The following MBP variants were observed in gnomAD, a reference collection of about 807,000 sequenced individuals.
MBP encodes the protein myelin basic protein, also known as Golli-MBP.
MBP carries 16 observed loss-of-function variants against 35.8 expected under a neutral mutation model. That is an observed-to-expected ratio of 0.45 (90% CI 0.30 to 0.68). The LOEUF is 0.68. Among genes scored for constraint, MBP ranks in the 30% least tolerant of loss-of-function variants. The pLI is 0.08. For synonymous variants in MBP, 143 were observed against 159.6 expected, an observed-to-expected ratio of 0.90 and a Z score of 0.78; for missense variants, 380 against 404.7, an observed-to-expected ratio of 0.94 and a Z score of 0.52.
intron 3 of MBP, among the ~76,000 whole-genome samples, chr18:77,022,603 T>C (rs1718193365): frequency 6.6e-6 from 1 of 152,252 alleles, no homozygotes; most frequent in Admixed American, 6.5e-5. Flanking sequence ...TCTGATTTTA[T>C]AGCTGTGCTT....
intron 1 of MBP, among the ~76,000 whole-genome samples, chr18:77,119,621 A>T (rs1311366558): frequency 4.0e-5 from 6 of 150,096 alleles, no homozygotes; most frequent in African/African-American, 1.5e-4. Flanking sequence ...CACACAGCTC[A>T]ACACCCTCCA....
At chr18:77,127,992 T>C (rs1022160342) in intron 1 of MBP, 10 of 152,198 alleles carry the variant, frequency 6.6e-5, no homozygotes, top group African/African-American at 2.4e-4. Context: ...CTCATAAAAT[T>C]AGACATGTGC....
intron 3 of MBP, among the ~76,000 whole-genome samples, chr18:77,035,332 G>C (rs1972716681): frequency 6.6e-6 from 1 of 152,226 alleles, no homozygotes; most frequent in Non-Finnish European, 1.5e-5. Flanking sequence ...CTTTGGAATA[G>C]TTTTTCTCTA....
At chr18:77,097,905 T>C (rs902612955) in intron 2 of MBP, among the ~76,000 whole-genome samples, 25 of 136,084 alleles carry the variant, frequency 1.8e-4, no homozygotes, top group African/African-American at 5.9e-4. Context: ...CCAAATCAAA[T>C]CTTTTTTTTA....
intron 4 of MBP, among the ~76,000 whole-genome samples, chr18:76,997,283 A>G (rs1970323765): frequency 6.6e-6 from 1 of 152,242 alleles, no homozygotes; most frequent in African/African-American, 2.4e-5. Context: ...AAAGCCTTCC[A>G]TGGCAGCCTT....
chr18:77,074,998 CTG>C (rs751468105), intron 2 of MBP, among the ~76,000 whole-genome samples: 4 of 152,096 alleles, frequency 2.6e-5, no homozygotes, highest in Non-Finnish European at 5.9e-5. Context: ...TTTAAAAAAA[CTG>C]TGGGTGTTTA....
chr18:77,050,324 C>T (rs771509519), intron 3 of MBP, among the ~76,000 whole-genome samples: 10 of 152,192 alleles, frequency 6.6e-5, no homozygotes, highest in Non-Finnish European at 1.0e-4. Flanking sequence ...GATACCAAAA[C>T]TAAGTATTTT....
At chr18:77,030,628 A>G (rs1316904664) in intron 3 of MBP, among the ~76,000 whole-genome samples, 1 of 152,242 alleles carries the variant, frequency 6.6e-6, no homozygotes, top group Non-Finnish European at 1.5e-5. Flanking sequence ...AATTGCTCAA[A>G]TTAATCCTTA....
rs200480480 is a variant in MBP, at chr18:77,046,916, ATC to A, written c.139+19380_139+19381del. Among the ~76,000 whole-genome samples, 1,210 of 152,356 alleles carry A rather than the reference ATC, an allele frequency of 7.9e-3. 24 individuals are homozygous for A. Among genetic ancestry groups the A allele is most frequent in the African/African-American group, 0.028 (1,176 of 41,578 alleles). ...GTGACTGTCACCATCGGGAGGCAGA[ATC>A]TCTGATGCCAGGAAACATCAGGGCC... On this transcript the variant is annotated intron_variant, in intron 3 of 8. Coordinates refer to ENST00000355994, the MANE Select transcript of MBP (RefSeq NM_001025101.2).
intron 4 of MBP, chr18:77,015,835 T>C: frequency 1.0e-6 from 1 of 985,452 alleles, no homozygotes; most frequent in Non-Finnish European, 1.2e-6. Flanking sequence ...AGGCGCTCTG[T>C]TCCACACTTT....
chr18:77,079,615 C>T (rs560524811), intron 2 of MBP, among the ~76,000 whole-genome samples: 10 of 152,240 alleles, frequency 6.6e-5, no homozygotes, highest in South Asian at 2.1e-4. Context: ...TATTTGCTTG[C>T]TGATATTTCA....
At chr18:76,995,500 T>C (rs1473453652) in intron 4 of MBP, among the ~76,000 whole-genome samples, 2 of 152,136 alleles carry the variant, frequency 1.3e-5, no homozygotes. Flanking sequence ...CCTAGATTAA[T>C]GGACAGAATG....
intron 3 of MBP, among the ~76,000 whole-genome samples, chr18:77,021,913 C>G (rs1217816660): frequency 6.6e-6 from 1 of 152,140 alleles, no homozygotes; most frequent in African/African-American, 2.4e-5. Context: ...CACGGTGACA[C>G]AGGCCCCTTC....
chr18:76,990,797 A>T (rs1382461792), intron 4 of MBP: 4 of 221,090 alleles, frequency 1.8e-5, no homozygotes, highest in Non-Finnish European at 3.8e-5. Context: ...GGCTTCTACT[A>T]GGAAGCCACA....
intron 3 of MBP, among the ~76,000 whole-genome samples, chr18:77,054,815 A>G (rs530983407): frequency 6.6e-6 from 1 of 152,188 alleles, no homozygotes; most frequent in South Asian, 2.1e-4. Context: ...ACACATCTCA[A>G]GTTCCAGTTC....
chr18:77,016,312 CG>C, intron 4 of MBP: 1 of 987,124 alleles, frequency 1.0e-6, no homozygotes, highest in Non-Finnish European at 1.2e-6. Flanking sequence ...CCACAGAGAA[CG>C]TTTGCTCAAG....
At chr18:77,033,315 T>C (rs1005839959) in intron 3 of MBP, among the ~76,000 whole-genome samples, 1 of 152,174 alleles carries the variant, frequency 6.6e-6, no homozygotes, top group Non-Finnish European at 1.5e-5. Flanking sequence ...CTGTGTGACC[T>C]TGAGCACATA....
At chr18:77,067,750 C>T (rs1974256630) in intron 2 of MBP, 2 of 471,950 alleles carry the variant, frequency 4.2e-6, no homozygotes, top group Non-Finnish European at 4.3e-6. Context: ...ACCAATTTTC[C>T]ACCCAATCTC....
rs1342750874 is a variant in MBP, at chr18:76,988,459, G to C, written c.750+36C>G. 6.2e-7 allele frequency: 1 copy of C among 1,614,220 alleles called. No homozygotes were observed. The highest frequency in any genetic ancestry group is 1.1e-5 in the South Asian group (1 of 91,080). On this transcript the variant is annotated intron_variant, in intron 7 of 8. Coordinates refer to ENST00000355994, the MANE Select transcript of MBP (RefSeq NM_001025101.2). The surrounding 1 kb of genome is among the most constrained non-coding windows in gnomAD (Gnocchi z 5.2). ...TTGCGGGGCTGTGAGGACTGGGACGGAAGAGGAAGCCGATGGAAGTGCGTT... is the reference window on the plus strand; with the variant it reads ...TTGCGGGGCTGTGAGGACTGGGACGCAAGAGGAAGCCGATGGAAGTGCGTT...
Sources: allele counts gnomAD v4.1 joint callset (sites outside exome capture counted in the v4.1 genomes callset), GRCh38; gene constraint gnomAD v4.1.1; non-coding constraint Gnocchi (gnomAD v3.1); transcripts MANE v1.5; gene names NCBI Gene and HGNC (gene_info 2026-07-23, HGNC 2026-07-21).